The following CCDC88A variants were observed in gnomAD, a reference collection of about 807,000 sequenced individuals.
CCDC88A encodes girdin.
A neutral mutation model predicts 234.3 loss-of-function variants in CCDC88A; 54 were observed. The observed-to-expected ratio is 0.23, with a 90% CI of 0.19 to 0.29. The LOEUF is 0.29. Ranked by LOEUF, CCDC88A falls within the 10% of genes least tolerant of loss-of-function variation. CCDC88A has a pLI of 1.00. For synonymous variants in CCDC88A, 753 were observed against 737.8 expected (o/e 1.02, Z -0.33); for missense variants, 1,832 against 2,123.4 (o/e 0.86, Z 2.70).
At chr2:55,330,246 C>T (rs1182218361) in intron 16 of CCDC88A, 1 of 151,878 alleles carries the variant, frequency 6.6e-6, no homozygotes, top group Non-Finnish European at 1.5e-5. Flanking sequence ...GTCTGTAATA[C>T]CAGCACTTTC....
chr2:55,334,003 C>T lies in CCDC88A; in HGVS notation c.2727+91G>A, dbSNP rs550927699. 2.6e-3 allele frequency: 1,174 copies of T among 448,234 alleles called. 5 individuals are homozygous for T. The highest frequency in any genetic ancestry group is 2.6e-3 in the Non-Finnish European group (669 of 259,650). 27.8% of individuals were successfully genotyped at this position (448,234 alleles called of 1,614,324 possible). A position where few individuals can be genotyped will look rare whatever the true frequency, so the allele number is the denominator to read the frequency against. On this transcript the variant is annotated intron_variant, in intron 15 of 32. Coordinates refer to ENST00000436346, the MANE Select transcript of CCDC88A (RefSeq NM_001365480.1). The surrounding 1 kb of genome is among the most constrained non-coding windows in gnomAD (Gnocchi z 6.1). Reference sequence around the variant, plus strand: ...CTACTGAACCATAAAATAAATGATGCAAATTACTGATAGATTCCAATAAAA... The same window carrying T: ...CTACTGAACCATAAAATAAATGATGTAAATTACTGATAGATTCCAATAAAA...
rs1457482531 is a variant in CCDC88A, at chr2:55,355,584, C to T, written c.795G>A (p.Gln265=). 6.2e-7 allele frequency: 1 copy of T among 1,613,892 alleles called. No homozygotes were observed. The highest frequency in any genetic ancestry group is 1.3e-5 in the African/African-American group (1 of 75,032). The change falls in exon 8 of 33, where the codon CAG becomes CAA. Residue 265 remains glutamine (Q), a synonymous_variant. Transcript: ENST00000436346. ...CTCAAAAATCAGCAACTTACAATTC[C>T]TGCCTAAGCCTTCTTATCTTGGCTT... ...DAKAKIRRLR[Q]ELEEKTEQLL... is the part of the protein sequence containing the mutation.
At chr2:55,379,156 ACTG>A (rs1343355467) in intron 3 of CCDC88A, among the ~76,000 whole-genome samples, 1 of 152,220 alleles carries the variant, frequency 6.6e-6, no homozygotes, top group Non-Finnish European at 1.5e-5. Flanking sequence ...TTAAAAACTG[ACTG>A]CTATTGTTAA....
At chr2:55,390,484 G>C (rs920920177) in intron 2 of CCDC88A, among the ~76,000 whole-genome samples, 2 of 152,074 alleles carry the variant, frequency 1.3e-5, no homozygotes, top group Non-Finnish European at 2.9e-5. Context: ...ATTACTCAAG[G>C]GACTAGTTGA....
intron 3 of CCDC88A, among the ~76,000 whole-genome samples, chr2:55,387,650 T>G (rs1675888913): frequency 1.3e-5 from 2 of 151,472 alleles, no homozygotes; most frequent in Non-Finnish European, 2.9e-5. Context: ...GACACGGTGG[T>G]GCACACCTAT....
intron 5 of CCDC88A, among the ~76,000 whole-genome samples, chr2:55,368,609 C>T (rs975393080): frequency 6.6e-6 from 1 of 152,104 alleles, no homozygotes; most frequent in Non-Finnish European, 1.5e-5. Context: ...CAGGCATGAC[C>T]CACTGCACCC....
At chr2:55,313,026 G>C (rs548342263) in intron 22 of CCDC88A, 1 of 154,824 alleles carries the variant, frequency 6.5e-6, no homozygotes. Context: ...AGTAGCATGT[G>C]TGTAGCACAC....
intron 2 of CCDC88A, among the ~76,000 whole-genome samples, chr2:55,410,858 A>G (rs1680357727): frequency 1.3e-5 from 2 of 151,916 alleles, no homozygotes; most frequent in African/African-American, 4.8e-5. Context: ...TCGCCACTGC[A>G]TTCCAGTCTC....
In CCDC88A at chr2:55,355,696, G is replaced by C. The variant is rs927668697; in HGVS notation, c.683C>G (p.Ser228Cys). Residue 228 changes from serine to cysteine, a missense_variant, in exon 8 of 33, where the codon TCT becomes TGT. Physicochemically the swap from Ser to Cys is moderately radical, Grantham distance 112. Transcript: ENST00000436346. Reference sequence around the variant, plus strand: ...ACCACAGGGTGACTGTGCAGATGAAGAGGCATGGGGTAGAAAATGGAGACC... The same window carrying C: ...ACCACAGGGTGACTGTGCAGATGAACAGGCATGGGGTAGAAAATGGAGACC... Reference protein sequence around the residue: ...RDGLHFLPHASSSAQSPCGSP... With the variant: ...RDGLHFLPHACSSAQSPCGSP... 1.9e-6 allele frequency: 3 copies of C among 1,613,868 alleles called. No homozygotes were observed. The highest frequency in any genetic ancestry group is 2.5e-6 in the Non-Finnish European group (3 of 1,179,882).
intron 5 of CCDC88A, among the ~76,000 whole-genome samples, chr2:55,366,584 G>A (rs187504723): frequency 8.1e-5 from 12 of 148,716 alleles, no homozygotes; most frequent in African/African-American, 1.2e-4. Flanking sequence ...CACAAGATAT[G>A]ATGTGGAAAC....
chr2:55,384,232 A>AG (rs1228530741), intron 3 of CCDC88A, among the ~76,000 whole-genome samples: 1 of 150,742 alleles, frequency 6.6e-6, no homozygotes, highest in Non-Finnish European at 1.5e-5. Flanking sequence ...TAAACACATA[A>AG]GGAAAAAAAA....
intron 2 of CCDC88A, chr2:55,404,533 A>T (rs1415303433): frequency 1.3e-5 from 2 of 152,204 alleles, no homozygotes; most frequent in African/African-American, 4.8e-5. Flanking sequence ...ACAAAAATTA[A>T]ATTAGAAATA....
chr2:55,399,632 A>G (rs1678267853), intron 2 of CCDC88A: 2 of 151,972 alleles, frequency 1.3e-5, no homozygotes, highest in South Asian at 4.1e-4. Flanking sequence ...GGTACTAATT[A>G]ATTTTTTAAG....
intron 5 of CCDC88A, among the ~76,000 whole-genome samples, chr2:55,366,463 GT>G (rs1282205000): frequency 1.3e-5 from 2 of 151,432 alleles, no homozygotes; most frequent in Non-Finnish European, 2.9e-5. Flanking sequence ...GGAGGCGGAG[GT>G]TGTAGTGAGC....
chr2:55,311,087 A>C (rs1246584233), intron 23 of CCDC88A, among the ~76,000 whole-genome samples: 1 of 152,226 alleles, frequency 6.6e-6, no homozygotes, highest in Non-Finnish European at 1.5e-5. Context: ...CAAGGGTCAG[A>C]ATAGTAAGAC....
At chr2:55,375,442 A>G (rs1226111213) in intron 3 of CCDC88A, among the ~76,000 whole-genome samples, 1 of 146,780 alleles carries the variant, frequency 6.8e-6, no homozygotes, top group Admixed American at 6.8e-5. Context: ...CTAAAAATAC[A>G]TCAAATTTAT....
At chr2:55,305,825 C>T (rs184558202) in intron 25 of CCDC88A, among the ~76,000 whole-genome samples, 12 of 152,046 alleles carry the variant, frequency 7.9e-5, no homozygotes, top group Admixed American at 3.9e-4. Context: ...TACACCACTG[C>T]GCTCCAGCTT....
intron 2 of CCDC88A, among the ~76,000 whole-genome samples, chr2:55,389,537 C>T (rs1028775797): frequency 6.6e-6 from 1 of 152,088 alleles, no homozygotes; most frequent in Non-Finnish European, 1.5e-5. Flanking sequence ...TGAATAGAAA[C>T]GCCTCATTCT....
chr2:55,398,528 G>A (rs529733469), intron 2 of CCDC88A, among the ~76,000 whole-genome samples: 2 of 152,224 alleles, frequency 1.3e-5, no homozygotes, highest in South Asian at 4.1e-4. Context: ...ACTGACACAT[G>A]TTAGGATCAC....
Sources: gnomAD v4.1 joint callset for allele counts (sites outside exome capture counted in the v4.1 genomes callset) on GRCh38, gnomAD v4.1.1 for gene constraint, Gnocchi (gnomAD v3.1) non-coding constraint, MANE v1.5 for transcripts, NCBI Gene and HGNC (gene_info 2026-07-23, HGNC 2026-07-21) for gene names.